Variants in SAMMSON observed in about 807,000 individuals in gnomAD.
The protein encoded by SAMMSON is long intergenic non-protein coding RNA 1212.
intron 1 of SAMMSON, among the ~76,000 whole-genome samples, chr3:70,007,248 G>C (rs961521078): frequency 1.8e-4 from 28 of 152,146 alleles, no homozygotes; most frequent in African/African-American, 6.0e-4. Flanking sequence ...GGTTGAACTA[G>C]TTTACAGTCC....
intron 2 of SAMMSON, among the ~76,000 whole-genome samples, chr3:70,418,999 C>CTCTCTCTT (rs1553664169): frequency 0.13 from 15,633 of 116,836 alleles, 1,877 homozygotes; most frequent in Middle Eastern, 0.24. Context: ...CTCTCTCTCT[C>CTCTCTCTT]TCTTTCTTTC....
intron 1 of SAMMSON, among the ~76,000 whole-genome samples, chr3:70,003,619 T>C (rs896709176): frequency 6.6e-6 from 1 of 151,896 alleles, no homozygotes; most frequent in African/African-American, 2.4e-5. Flanking sequence ...AATATGACAT[T>C]GTGTATTTTA....
chr3:70,240,614 C>A (rs940740888), intron 4 of SAMMSON, among the ~76,000 whole-genome samples: 2 of 152,120 alleles, frequency 1.3e-5, no homozygotes, highest in Admixed American at 1.3e-4. Context: ...AGTGTGAATT[C>A]TTTCATTCCT....
intron 3 of SAMMSON, chr3:70,070,330 G>C (rs1346609030): frequency 2.0e-5 from 3 of 151,886 alleles, no homozygotes; most frequent in Non-Finnish European, 4.4e-5. Flanking sequence ...TTAGTTTTTA[G>C]ATGCACTCTA....
chr3:70,212,110 C>T (rs1301020655), intron 4 of SAMMSON, among the ~76,000 whole-genome samples: 1 of 152,060 alleles, frequency 6.6e-6, no homozygotes, highest in African/African-American at 2.4e-5. Context: ...TGAAGTTGGC[C>T]ACTAAATCTT....
At chr3:70,271,093 C>T (rs1443122845) in intron 6 of SAMMSON, among the ~76,000 whole-genome samples, 3 of 151,958 alleles carry the variant, frequency 2.0e-5, no homozygotes, top group Non-Finnish European at 4.4e-5. Context: ...GGCCATTTAT[C>T]GAAGCTGGGA....
intron 4 of SAMMSON, among the ~76,000 whole-genome samples, chr3:70,127,998 C>A (rs773600483): frequency 7.2e-5 from 11 of 152,126 alleles, no homozygotes; most frequent in Non-Finnish European, 1.2e-4. Context: ...TTAGTAAGGA[C>A]CAGAATGGAT....
intron 9 of SAMMSON, among the ~76,000 whole-genome samples, chr3:70,378,777 G>T (rs1703040977): frequency 6.6e-6 from 1 of 151,956 alleles, no homozygotes; most frequent in Admixed American, 6.6e-5. Flanking sequence ...ATACACATAA[G>T]ATTATTTATT....
chr3:70,297,350 C>A (rs1030155122), intron 7 of SAMMSON, among the ~76,000 whole-genome samples: 9 of 151,820 alleles, frequency 5.9e-5, no homozygotes, highest in African/African-American at 1.9e-4. Context: ...TGCTCTAGAC[C>A]ACAAAAAGAA....
chr3:70,197,095 G>T, intron 4 of SAMMSON: 1 of 398,562 alleles, frequency 2.5e-6, no homozygotes. Context: ...GCACATTTTG[G>T]TACACACCGT....
intron 4 of SAMMSON, among the ~76,000 whole-genome samples, chr3:70,173,190 C>T (rs1700976809): frequency 6.6e-6 from 1 of 151,912 alleles, no homozygotes; most frequent in Non-Finnish European, 1.5e-5. Flanking sequence ...CATATTAACG[C>T]ATTGAGAGTT....
intron 4 of SAMMSON, among the ~76,000 whole-genome samples, chr3:70,107,375 A>C (rs1288958922): frequency 6.6e-6 from 1 of 152,118 alleles, no homozygotes; most frequent in Non-Finnish European, 1.5e-5. Context: ...TGAAGTAGGA[A>C]AACTAGCTTA....
rs556361457 is a variant in SAMMSON, at chr3:70,227,031, C to G, written n.508-22076C>G. On this transcript the variant is annotated intron_variant and non_coding_transcript_variant, in intron 4 of 9. Coordinates refer to ENST00000642114, the Ensembl canonical transcript of SAMMSON. ...CTCGAAAAAATACATGCATCTTTTT[C>G]CTGGGAAAATATACCATATGCAGAC... 3.9e-5 allele frequency among the ~76,000 whole-genome samples: 6 copies of G among 152,190 alleles called. No individual in the cohort carries two copies. In the South Asian group the frequency reaches 1.2e-3, roughly 32 times the overall value.
chr3:70,385,141 G>C (rs908727126), intron 9 of SAMMSON, among the ~76,000 whole-genome samples: 2 of 152,058 alleles, frequency 1.3e-5, no homozygotes, highest in African/African-American at 2.4e-5. Context: ...AGAAGAAAAA[G>C]CACGGTGTTG....
At chr3:70,262,859 A>G (rs1701879906) in intron 6 of SAMMSON, among the ~76,000 whole-genome samples, 1 of 152,168 alleles carries the variant, frequency 6.6e-6, no homozygotes, top group Admixed American at 6.6e-5. Context: ...CCCACAGGTC[A>G]ATAAGGTTGG....
intron 4 of SAMMSON, among the ~76,000 whole-genome samples, chr3:70,227,034 G>A (rs1303894032): frequency 1.3e-5 from 2 of 152,010 alleles, no homozygotes; most frequent in Admixed American, 1.3e-4. Context: ...TCTTTTTCCT[G>A]GGAAAATATA....
At chr3:70,324,524 G>C (rs1212839442) in intron 7 of SAMMSON, among the ~76,000 whole-genome samples, 1 of 152,080 alleles carries the variant, frequency 6.6e-6, no homozygotes, top group Non-Finnish European at 1.5e-5. Flanking sequence ...CATAGTAAAG[G>C]CTTTTGTAAA....
At chr3:70,211,936 G>A (rs1701355474) in intron 4 of SAMMSON, among the ~76,000 whole-genome samples, 1 of 148,310 alleles carries the variant, frequency 6.7e-6, no homozygotes, top group African/African-American at 2.5e-5. Context: ...CCTCTCTGGT[G>A]TAATTCCTTG....
At chr3:70,422,414 C>T (rs1048655874) in intron 2 of SAMMSON, among the ~76,000 whole-genome samples, 7 of 151,850 alleles carry the variant, frequency 4.6e-5, no homozygotes, top group African/African-American at 1.2e-4. Flanking sequence ...TTATAAACAA[C>T]GTATTACTTG....
Sources: allele counts gnomAD v4.1 joint callset (sites outside exome capture counted in the v4.1 genomes callset), GRCh38; gene constraint gnomAD v4.1.1; transcripts MANE v1.5; gene names NCBI Gene and HGNC (gene_info 2026-07-23, HGNC 2026-07-21).